Variants in LOC400499 observed in about 807,000 individuals in gnomAD.
the LOC400499 span, among the ~76,000 whole-genome samples, chr16:11,421,336 C>A: frequency 6.6e-6 from 1 of 152,170 alleles, no homozygotes; most frequent in Non-Finnish European, 1.5e-5. Context: ...CAACCCTAGA[C>A]CAGGGGTTGC....
At chr16:11,384,082 G>T in the LOC400499 span, 3 of 1,230,768 alleles carry the variant, frequency 2.4e-6, no homozygotes, top group African/African-American at 1.5e-5. Flanking sequence ...GCCTCAGCAG[G>T]AGACTTCCCC....
the LOC400499 span, among the ~76,000 whole-genome samples, chr16:11,501,421 G>A: frequency 1.3e-5 from 2 of 152,008 alleles, no homozygotes; most frequent in Non-Finnish European, 2.9e-5. Context: ...GCAGTGGTGC[G>A]ATCACACCTC....
chr16:11,386,035 CAAAA>C, the LOC400499 span, among the ~76,000 whole-genome samples: 6 of 150,794 alleles, frequency 4.0e-5, no homozygotes, highest in Non-Finnish European at 7.4e-5. Context: ...GACCTAGTCT[CAAAA>C]AAAAATGTCA....
At chr16:11,401,187 G>A in the LOC400499 span, 161 of 398,702 alleles carry the variant, frequency 4.0e-4, no homozygotes, top group Admixed American at 2.4e-3. Flanking sequence ...TCCTACCAGA[G>A]GTGCCCAGCC....
the LOC400499 span, among the ~76,000 whole-genome samples, chr16:11,461,412 G>C: frequency 1.4e-4 from 21 of 152,260 alleles, no homozygotes; most frequent in East Asian, 3.9e-3. Flanking sequence ...TAGAAGCAGG[G>C]ATCTCACTAT....
chr16:11,461,094 A>T, the LOC400499 span: 2 of 1,535,620 alleles, frequency 1.3e-6, no homozygotes, highest in Admixed American at 2.0e-5. Flanking sequence ...CCCTCCGTCC[A>T]TTCTCCTCCT....
chr16:11,510,806 G>C, the LOC400499 span, among the ~76,000 whole-genome samples: 1 of 151,506 alleles, frequency 6.6e-6, no homozygotes. Flanking sequence ...TTGGGAACCA[G>C]ATGACTCCAA....
the LOC400499 span, among the ~76,000 whole-genome samples, chr16:11,454,857 G>A: frequency 6.6e-6 from 1 of 152,206 alleles, no homozygotes; most frequent in Non-Finnish European, 1.5e-5. Context: ...AAGGGATTGT[G>A]ACCCAGAGGA....
At chr16:11,458,609 G>A in the LOC400499 span, among the ~76,000 whole-genome samples, 9 of 152,308 alleles carry the variant, frequency 5.9e-5, no homozygotes, top group Non-Finnish European at 1.3e-4. Context: ...CAGGGACTGG[G>A]AGAAGGAGAG....
the LOC400499 span, among the ~76,000 whole-genome samples, chr16:11,504,470 A>C: frequency 6.6e-6 from 1 of 152,050 alleles, no homozygotes; most frequent in Non-Finnish European, 1.5e-5. Context: ...GCAAGAGATC[A>C]CTTGAACCAG....
At chr16:11,446,899 T>G in the LOC400499 span, 1 of 1,534,702 alleles carries the variant, frequency 6.5e-7, no homozygotes, top group Non-Finnish European at 8.7e-7. Flanking sequence ...GATGGGCAGG[T>G]GCAACGGGTG....
chr16:11,461,365 G>A, the LOC400499 span, among the ~76,000 whole-genome samples: 1 of 152,242 alleles, frequency 6.6e-6, no homozygotes, highest in South Asian at 2.1e-4. Context: ...AACTACAGAC[G>A]TGTGCCACCA....
At chr16:11,500,997 G>A in the LOC400499 span, 4 of 398,868 alleles carry the variant, frequency 1.0e-5, no homozygotes, top group African/African-American at 6.2e-5. Flanking sequence ...ACCCACACGT[G>A]CTGAGCGCCT....
At chr16:11,455,446 G>A in the LOC400499 span, among the ~76,000 whole-genome samples, 7 of 152,030 alleles carry the variant, frequency 4.6e-5, no homozygotes, top group Admixed American at 3.9e-4. Flanking sequence ...GCAAGACTTG[G>A]GGTAGGGGCC....
the LOC400499 span, among the ~76,000 whole-genome samples, chr16:11,525,543 C>G: frequency 6.6e-6 from 1 of 152,286 alleles, no homozygotes; most frequent in South Asian, 2.1e-4. Flanking sequence ...AACTTTCCTT[C>G]AACTCTTTGA....
chr16:11,436,054 T>C, the LOC400499 span, among the ~76,000 whole-genome samples: 3 of 152,088 alleles, frequency 2.0e-5, no homozygotes, highest in East Asian at 1.9e-4. Flanking sequence ...ATGGGGGAGA[T>C]AGCCTACCCT....
chr16:11,428,375 T>C, the LOC400499 span, among the ~76,000 whole-genome samples: 1 of 152,172 alleles, frequency 6.6e-6, no homozygotes, highest in Non-Finnish European at 1.5e-5. Flanking sequence ...GGTTGCACCA[T>C]GTTGGCCAGG....
the LOC400499 span, among the ~76,000 whole-genome samples, chr16:11,467,515 G>A: frequency 6.6e-6 from 1 of 152,068 alleles, no homozygotes. Flanking sequence ...GGGAGGCTGA[G>A]GTGGGAGGAT....
At chr16:11,440,038 A>G in the LOC400499 span, among the ~76,000 whole-genome samples, 1 of 152,140 alleles carries the variant, frequency 6.6e-6, no homozygotes, top group African/African-American at 2.4e-5. Context: ...GCTAGTTAAC[A>G]GTGGAACTTG....
Sources: allele counts gnomAD v4.1 joint callset (sites outside exome capture counted in the v4.1 genomes callset), GRCh38; gene constraint gnomAD v4.1.1; transcripts MANE v1.5.